Variants in ADI1 observed in about 807,000 individuals in gnomAD.
ADI1 encodes the protein acireductone dioxygenase 1, also known as acireductone dioxygenase.
In ADI1, 21 loss-of-function variants were observed where a neutral mutation model predicts 18.7. That is an observed-to-expected ratio of 1.13 (90% CI 0.80 to 1.62). ADI1 has a LOEUF of 1.62. Ranked by LOEUF, ADI1 falls within the 40% of genes most tolerant of loss-of-function variation. ADI1 has a pLI of 0.00. For synonymous variants in ADI1, 90 were observed against 100.1 expected, an observed-to-expected ratio of 0.90 and a Z score of 0.60; for missense variants, 245 against 254.9, an observed-to-expected ratio of 0.96 and a Z score of 0.26.
At chr2:3,514,115 C>G in intron 1 of ADI1, 139 bp from the exon 2 acceptor site, 1 of 1,019,786 alleles carries the variant, frequency 9.8e-7, no homozygotes, top group South Asian at 1.8e-5. Flanking sequence ...TAACTCTCTT[C>G]ATCTCCTCTA....
rs558909812 is a variant in ADI1 at position 3,499,222 on chromosome 2, A to C, written c.421-140T>G. On this transcript the variant is annotated intron_variant, in intron 3 of 3. Coordinates refer to ENST00000327435, the MANE Select transcript of ADI1 (RefSeq NM_018269.4). ...TTTTATTCTGCGTCTTTAACAATTTAGGCCACATTTTATTCGTGGAAGGAA... is the reference window on the plus strand; with the variant it reads ...TTTTATTCTGCGTCTTTAACAATTTCGGCCACATTTTATTCGTGGAAGGAA... 137 of 1,380,740 alleles carry C rather than the reference A, an allele frequency of 9.9e-5. 1 individual carries two copies. The highest frequency in any genetic ancestry group is 5.7e-4 in the Middle Eastern group (3 of 5,270). 85.5% of individuals were successfully genotyped at this position (1,380,740 alleles called of 1,614,324 possible).
Position 3,516,763 on chromosome 2 carries a change from T to C in ADI1, c.120+2605A>G, listed in dbSNP as rs1034356099. On this transcript the variant is annotated intron_variant, in intron 1 of 3. Coordinates refer to ENST00000327435, the MANE Select transcript of ADI1 (RefSeq NM_018269.4). The stretch of plus-strand genomic sequence containing the variant: ...TAAAATAATCTTCCAATTGTTTGTA[T>C]GTATGACAAAAGGTTTTTTAGAACT... 1.1e-4 allele frequency: 112 copies of C among 985,346 alleles called. No homozygotes were observed. In the African/African-American group the frequency reaches 1.9e-3, roughly 17 times the overall value. 61.0% of individuals were successfully genotyped at this position (985,346 alleles called of 1,614,324 possible).
chr2:3,499,064 G>C lies in ADI1; in HGVS notation c.439C>G (p.Arg147Gly). The part of the protein sequence containing the change: ...VDEKNYTKAM[R>G]LFVGEPVWTA... The stretch of plus-strand genomic sequence containing the variant: ...CACACCGGTTCTCCCACAAACAGCC[G>C]CATGGCCTTCGTGTAGTTCTGGAAA... Residue 147 changes from arginine (R) to glycine (G), a missense_variant, in exon 4 of 4, where the codon CGG becomes GGG. Physicochemically the swap from Arg to Gly is moderately radical, Grantham distance 125 (BLOSUM62 -2). Coordinates refer to ENST00000327435, the MANE Select transcript of ADI1 (RefSeq NM_018269.4). The C allele has an allele frequency of 6.2e-7, 1 of 1,613,908 alleles. No homozygotes were observed. The highest frequency in any genetic ancestry group is 8.5e-7 in the Non-Finnish European group (1 of 1,179,804).
Position 3,519,499 on chromosome 2 carries a change from C to T in ADI1, c.-12G>A, listed in dbSNP as rs771029491. ...CAGGCCTGCACCATGACGCGCAGTGCGGGTGCCGTGTTCGAACCCAGGGGC... is the reference window on the plus strand; with the variant it reads ...CAGGCCTGCACCATGACGCGCAGTGTGGGTGCCGTGTTCGAACCCAGGGGC... On this transcript the variant is annotated 5_prime_UTR_variant, in exon 1 of 4. Coordinates refer to ENST00000327435, the MANE Select transcript of ADI1 (RefSeq NM_018269.4). 1.4e-5 allele frequency: 18 copies of T among 1,275,022 alleles called. No homozygotes were observed. Among genetic ancestry groups the T allele is most frequent in the South Asian group, 5.4e-5 (2 of 37,138 alleles). The allele number at this position is 1,275,022 out of a possible 1,614,324, so 79.0% of individuals were successfully genotyped here.
At chr2:3,514,784 G>T (rs1411375070) in intron 1 of ADI1, 8 of 1,547,294 alleles carry the variant, frequency 5.2e-6, no homozygotes, top group Admixed American at 2.0e-5. Flanking sequence ...GCAATAAACT[G>T]CACATTATAT....
intron 1 of ADI1, chr2:3,514,963 T>C (rs1034655479): frequency 5.0e-6 from 7 of 1,389,988 alleles, no homozygotes; most frequent in Admixed American, 5.0e-5. Flanking sequence ...CTTTAATCTC[T>C]TAATCCTGTT....
intron 2 of ADI1, among the ~76,000 whole-genome samples, chr2:3,503,080 C>G (rs1157795687): frequency 6.6e-6 from 1 of 151,882 alleles, no homozygotes; most frequent in African/African-American, 2.4e-5. Flanking sequence ...CTCACACAGG[C>G]GCACTGTCAC....
intron 1 of ADI1, chr2:3,516,846 C>A: frequency 1.0e-6 from 1 of 985,310 alleles, no homozygotes; most frequent in South Asian, 4.7e-5. Flanking sequence ...ACATGTGTTA[C>A]CTCTGTTAAA....
At chr2:3,502,131 T>C (rs1667036934) in intron 2 of ADI1, among the ~76,000 whole-genome samples, 1 of 151,880 alleles carries the variant, frequency 6.6e-6, no homozygotes, top group South Asian at 2.1e-4. Context: ...GCTCAAGAGA[T>C]CCTCCTGCCT....
chr2:3,509,260 T>A (rs1344648441), intron 2 of ADI1, among the ~76,000 whole-genome samples: 1 of 152,140 alleles, frequency 6.6e-6, no homozygotes, highest in African/African-American at 2.4e-5. Context: ...TAACAGTAAT[T>A]GACATCCAGC....
chr2:3,506,062 A>C (rs1281164110), intron 2 of ADI1, among the ~76,000 whole-genome samples: 1 of 152,202 alleles, frequency 6.6e-6, no homozygotes, highest in Non-Finnish European at 1.5e-5. Context: ...GCCTGAGCTG[A>C]CTAAGACAGG....
At chr2:3,500,500 C>CGACAACCCTAGAG in intron 3 of ADI1, 1 of 282,442 alleles carries the variant, frequency 3.5e-6, no homozygotes, top group Non-Finnish European at 5.8e-6. Flanking sequence ...AGGGCTGGGG[C>CGACAACCCTAGAG]AGGGCCAGGC....
intron 2 of ADI1, among the ~76,000 whole-genome samples, chr2:3,508,534 C>T (rs1352455690): frequency 6.6e-6 from 1 of 151,828 alleles, no homozygotes; most frequent in Non-Finnish European, 1.5e-5. Flanking sequence ...CTACAAGAAG[C>T]CCTCTCTAAA....
intron 1 of ADI1, among the ~76,000 whole-genome samples, chr2:3,518,578 G>A (rs1667458289): frequency 6.6e-6 from 1 of 152,182 alleles, no homozygotes; most frequent in African/African-American, 2.4e-5. Flanking sequence ...GCCCAGCCGG[G>A]ACCCAAGCCA....
At chr2:3,516,805 AGATT>A (rs1391097080) in intron 1 of ADI1, 76 of 985,478 alleles carry the variant, frequency 7.7e-5, no homozygotes, top group East Asian at 2.3e-4. Context: ...CACTAATAAC[AGATT>A]GATTAAACAG....
At chr2:3,503,844 AG>A (rs1245488248) in intron 2 of ADI1, among the ~76,000 whole-genome samples, 2 of 152,194 alleles carry the variant, frequency 1.3e-5, no homozygotes, top group Non-Finnish European at 2.9e-5. Context: ...CAGCAAGAAT[AG>A]ACCCTAGACC....
intron 1 of ADI1, chr2:3,514,965 A>G: frequency 7.2e-7 from 1 of 1,391,034 alleles, no homozygotes; most frequent in Non-Finnish European, 9.5e-7. Flanking sequence ...TTAATCTCTT[A>G]ATCCTGTTAT....
chr2:3,505,279 C>G (rs1227717753), intron 2 of ADI1, among the ~76,000 whole-genome samples: 1 of 152,228 alleles, frequency 6.6e-6, no homozygotes, highest in Non-Finnish European at 1.5e-5. Flanking sequence ...CACAGCCCCT[C>G]ACACTGGAGA....
At position 3,498,980 on chromosome 2, in the gene ADI1, G is replaced by A; in HGVS notation, c.523C>T (p.Leu175=). The A allele has an allele frequency of 6.2e-7, 1 of 1,613,018 alleles. No homozygotes were observed. The highest frequency in any genetic ancestry group is 8.5e-7 in the Non-Finnish European group (1 of 1,179,034). Reference sequence around the variant, plus strand: ...CAGCACTGCTAGGCGGTCTGTGCCAGAAATTTCACGTACTGCCCGCGGGCT... The same window carrying A: ...CAGCACTGCTAGGCGGTCTGTGCCAAAAATTTCACGTACTGCCCGCGGGCT... ...FEARGQYVKF[L]AQTA The change falls in exon 4 of 4, where the codon CTG becomes TTG. Residue 175 remains leucine (L), a synonymous_variant. Transcript: ENST00000327435.
Sources: allele counts gnomAD v4.1 joint callset (sites outside exome capture counted in the v4.1 genomes callset), GRCh38; gene constraint gnomAD v4.1.1; transcripts MANE v1.5; gene names NCBI Gene and HGNC (gene_info 2026-07-23, HGNC 2026-07-21).